The following CDH13 variants were observed in gnomAD, a reference collection of about 807,000 sequenced individuals.
CDH13 encodes the protein cadherin 13.
A neutral mutation model predicts 63.8 loss-of-function variants in CDH13; 24 were observed. The ratio of observed to expected loss-of-function variants is 0.38; its 90% CI spans 0.27 to 0.53. The LOEUF is 0.53. Ranked by LOEUF, CDH13 falls within the 20% of genes least tolerant of loss-of-function variation. The pLI, the probability that CDH13 is intolerant of heterozygous loss-of-function variation, is 0.85. For missense variants in CDH13, 1,049 were observed against 903.1 expected, an observed-to-expected ratio of 1.16 and a Z score of -2.07; for synonymous variants, 503 against 355.3, an observed-to-expected ratio of 1.42 and a Z score of -4.67.
chr16:83,440,784 C>CA (rs34731612), intron 6 of CDH13, among the ~76,000 whole-genome samples: 18,375 of 123,342 alleles, frequency 0.15, 1,629 homozygotes, highest in Non-Finnish European at 0.22. Flanking sequence ...GACTTCATCT[C>CA]AAAAAAAAAA....
rs1909660728 is a variant in CDH13, at chr16:82,643,385, A to G, written c.45+16248A>G. 2.6e-5 allele frequency among the ~76,000 whole-genome samples: 4 copies of G among 152,242 alleles called. 1 individual carries two copies. The South Asian group carries it at 8.3e-4, about 32-fold the overall frequency. ...TATTAACACTGCGACTCCTCAAAAG[A>G]TCCCCATTGTCCACCCTACTGAGAT... On this transcript the variant is annotated intron_variant, in intron 1 of 13. Transcript: ENST00000567109.
chr16:83,417,011 A>G (rs1186198015), intron 6 of CDH13, among the ~76,000 whole-genome samples: 1 of 152,246 alleles, frequency 6.6e-6, no homozygotes, highest in Non-Finnish European at 1.5e-5. Flanking sequence ...AATATTATTG[A>G]CAACCTTTTC....
intron 4 of CDH13, among the ~76,000 whole-genome samples, chr16:83,162,885 T>C (rs1441420759): frequency 6.6e-6 from 1 of 152,128 alleles, no homozygotes; most frequent in Non-Finnish European, 1.5e-5. Flanking sequence ...CCCCAACTTG[T>C]AGAGCTAGCT....
intron 11 of CDH13, among the ~76,000 whole-genome samples, chr16:83,771,112 G>A (rs1914731094): frequency 6.6e-6 from 1 of 152,114 alleles, no homozygotes; most frequent in African/African-American, 2.4e-5. Flanking sequence ...TGCCTGGTTT[G>A]CTTGGACTTT....
intron 8 of CDH13, among the ~76,000 whole-genome samples, chr16:83,610,185 A>C (rs12445729): frequency 0.43 from 65,574 of 151,914 alleles, 15,300 homozygotes; most frequent in African/African-American, 0.62. Context: ...CATTCATGTA[A>C]AAGTCATTAA....
At chr16:83,101,970 T>A (rs1322216218) in intron 3 of CDH13, among the ~76,000 whole-genome samples, 1 of 152,194 alleles carries the variant, frequency 6.6e-6, no homozygotes, top group Admixed American at 6.5e-5. Flanking sequence ...CCAAATAGAC[T>A]TTGCAAATGT....
chr16:83,669,965 C>T (rs1303757552), intron 8 of CDH13, among the ~76,000 whole-genome samples: 1 of 152,192 alleles, frequency 6.6e-6, no homozygotes, highest in Non-Finnish European at 1.5e-5. Context: ...AATGAAAGCT[C>T]ATGAAATTCT....
chr16:82,724,936 T>C (rs1325385070), intron 1 of CDH13, among the ~76,000 whole-genome samples: 1 of 152,228 alleles, frequency 6.6e-6, no homozygotes, highest in African/African-American at 2.4e-5. Context: ...CAGGATAATT[T>C]AGCTCATACT....
intron 7 of CDH13, among the ~76,000 whole-genome samples, chr16:83,499,566 A>G (rs1296443103): frequency 6.6e-6 from 1 of 152,260 alleles, no homozygotes; most frequent in Non-Finnish European, 1.5e-5. Context: ...ATGCTCCCTG[A>G]GAATTCCCTT....
chr16:82,959,920 C>T (rs944090704), intron 2 of CDH13, among the ~76,000 whole-genome samples: 2 of 152,036 alleles, frequency 1.3e-5, no homozygotes, highest in Non-Finnish European at 2.9e-5. Flanking sequence ...GAGATGAATT[C>T]GCCCAAAAGT....
At chr16:83,775,893 T>C (rs1017253163) in intron 11 of CDH13, among the ~76,000 whole-genome samples, 4 of 151,972 alleles carry the variant, frequency 2.6e-5, no homozygotes, top group Non-Finnish European at 5.9e-5. Context: ...TTGCTGAAAA[T>C]CTAGAGAATA....
chr16:83,419,576 T>C (rs1234594406), intron 6 of CDH13, among the ~76,000 whole-genome samples: 2 of 152,196 alleles, frequency 1.3e-5, no homozygotes, highest in African/African-American at 4.8e-5. Flanking sequence ...TACCTGACAT[T>C]TATTGAGCCA....
intron 2 of CDH13, chr16:82,954,208 C>G (rs1905711866): frequency 6.6e-6 from 1 of 152,092 alleles, no homozygotes; most frequent in South Asian, 2.1e-4. Flanking sequence ...TTGTACCACA[C>G]AATCAGTGAG....
chr16:82,645,062 T>A (rs1282534989), intron 1 of CDH13, among the ~76,000 whole-genome samples: 1 of 152,142 alleles, frequency 6.6e-6, no homozygotes, highest in Non-Finnish European at 1.5e-5. Context: ...CCCAAACCCC[T>A]GAGGTTAAGG....
At chr16:83,722,772 G>A (rs148728577) in intron 10 of CDH13, among the ~76,000 whole-genome samples, 1 of 152,158 alleles carries the variant, frequency 6.6e-6, no homozygotes, top group Admixed American at 6.5e-5. Flanking sequence ...AACCAGGCTG[G>A]GGGGGTGGAT....
At chr16:83,624,211 A>G (rs1236451160) in intron 8 of CDH13, among the ~76,000 whole-genome samples, 1 of 152,078 alleles carries the variant, frequency 6.6e-6, no homozygotes, top group African/African-American at 2.4e-5. Flanking sequence ...CCTTATACAC[A>G]AAGGCAGGAA....
At chr16:83,237,090 C>G (rs1039274853) in intron 5 of CDH13, among the ~76,000 whole-genome samples, 8 of 152,116 alleles carry the variant, frequency 5.3e-5, no homozygotes, top group Non-Finnish European at 1.2e-4. Flanking sequence ...GGATGTTCCG[C>G]CACATTCTTC....
intron 3 of CDH13, among the ~76,000 whole-genome samples, chr16:83,114,942 C>G (rs1427204837): frequency 6.6e-6 from 1 of 152,226 alleles, no homozygotes; most frequent in African/African-American, 2.4e-5. Flanking sequence ...AGATTGGCTT[C>G]TGCAGTTCCA....
chr16:83,056,118 G>C (rs2030902812), intron 3 of CDH13, among the ~76,000 whole-genome samples: 1 of 152,152 alleles, frequency 6.6e-6, no homozygotes, highest in Admixed American at 6.5e-5. Context: ...AGCATCACTA[G>C]TCATCAAGGA....
Sources: gnomAD v4.1 joint callset for allele counts (sites outside exome capture counted in the v4.1 genomes callset) on GRCh38, gnomAD v4.1.1 for gene constraint, MANE v1.5 for transcripts, NCBI Gene and HGNC (gene_info 2026-07-23, HGNC 2026-07-21) for gene names.